Variants in CTNNA3 observed in about 807,000 individuals in gnomAD.
CTNNA3 encodes catenin alpha 3, also known as catenin alpha-3.
CTNNA3 carries 76 observed loss-of-function variants against 95.7 expected under a neutral mutation model. That is an observed-to-expected ratio of 0.79 (90% CI 0.66 to 0.96). The LOEUF (loss-of-function observed/expected upper bound fraction) is 0.96. CTNNA3 is among the 40% of genes least tolerant of loss of function. CTNNA3 has a pLI of 0.00. For missense variants in CTNNA3, 1,191 were observed against 1,089.8 expected, an observed-to-expected ratio of 1.09 and a Z score of -1.31; for synonymous variants, 431 against 374.4, an observed-to-expected ratio of 1.15 and a Z score of -1.74.
At chr10:66,922,380 A>C (rs1200156201) in intron 7 of CTNNA3, among the ~76,000 whole-genome samples, 2 of 152,234 alleles carry the variant, frequency 1.3e-5, no homozygotes, top group African/African-American at 2.4e-5. Context: ...ATACAGGCAA[A>C]TTACTAAAAT....
At chr10:66,286,159 C>T (rs2091585222) in intron 12 of CTNNA3, among the ~76,000 whole-genome samples, 1 of 151,934 alleles carries the variant, frequency 6.6e-6, no homozygotes, top group Non-Finnish European at 1.5e-5. Flanking sequence ...ATATATTTCA[C>T]ATTAGTAAAC....
chr10:66,748,948 G>A (rs1013519013), intron 9 of CTNNA3, among the ~76,000 whole-genome samples: 3 of 151,492 alleles, frequency 2.0e-5, no homozygotes, highest in Admixed American at 2.0e-4. Flanking sequence ...CAAGGCGGGC[G>A]GATCACCTGA....
chr10:66,246,371 G>A (rs1162071050), intron 13 of CTNNA3, among the ~76,000 whole-genome samples: 2 of 152,070 alleles, frequency 1.3e-5, no homozygotes, highest in Admixed American at 6.5e-5. Context: ...GTTGGAGTCT[G>A]CAGCCACAGT....
chr10:66,439,043 A>G (rs544689622), intron 11 of CTNNA3, among the ~76,000 whole-genome samples: 16 of 152,158 alleles, frequency 1.1e-4, no homozygotes, highest in East Asian at 7.8e-4. Context: ...ACCAGTCCCA[A>G]TGAGATGAGT....
At chr10:66,430,193 C>T (rs1470722687) in intron 11 of CTNNA3, among the ~76,000 whole-genome samples, 1 of 150,668 alleles carries the variant, frequency 6.6e-6, no homozygotes. Flanking sequence ...ATCCAACTTA[C>T]AAGGGATGTG....
intron 7 of CTNNA3, among the ~76,000 whole-genome samples, chr10:66,934,264 G>A (rs1847568763): frequency 6.6e-6 from 1 of 151,844 alleles, no homozygotes; most frequent in African/African-American, 2.4e-5. Flanking sequence ...AATTCTCCAT[G>A]TTTTCTTTTT....
chr10:66,854,834 C>A (rs919420644), intron 7 of CTNNA3, among the ~76,000 whole-genome samples: 1 of 151,014 alleles, frequency 6.6e-6, no homozygotes, highest in Non-Finnish European at 1.5e-5. Context: ...GAAGATAGTG[C>A]GGTCTGGAAG....
chr10:66,633,435 C>T (rs1009850341), intron 9 of CTNNA3, among the ~76,000 whole-genome samples: 4 of 152,170 alleles, frequency 2.6e-5, no homozygotes, highest in Non-Finnish European at 5.9e-5. Flanking sequence ...AATCCCAGCA[C>T]TTTGGGAGGC....
chr10:66,047,349 C>T (rs898743938), intron 15 of CTNNA3, among the ~76,000 whole-genome samples: 1 of 152,022 alleles, frequency 6.6e-6, no homozygotes, highest in African/African-American at 2.4e-5. Context: ...AAATGTGATT[C>T]ATCACATAAA....
intron 5 of CTNNA3, among the ~76,000 whole-genome samples, chr10:67,483,445 T>G (rs1295247512): frequency 3.7e-4 from 56 of 149,372 alleles, no homozygotes; most frequent in Admixed American, 6.6e-4. Context: ...CCATAAAAAA[T>G]GATGAGTTCA....
chr10:66,498,004 A>T (rs1274667795), intron 11 of CTNNA3, among the ~76,000 whole-genome samples: 1 of 152,116 alleles, frequency 6.6e-6, no homozygotes, highest in Non-Finnish European at 1.5e-5. Flanking sequence ...TTTATGTGCT[A>T]CAACAGTATT....
chr10:67,329,174 C>A lies in CTNNA3; in HGVS notation c.580-109304G>T, dbSNP rs1396883560. Among the ~76,000 whole-genome samples the A allele has an allele frequency of 5.3e-5, 8 of 152,226 alleles. No homozygotes were observed. The East Asian group carries it at 9.7e-4, about 18-fold the overall frequency. On this transcript the variant is annotated intron_variant, in intron 5 of 17. Coordinates refer to ENST00000433211, the MANE Select transcript of CTNNA3 (RefSeq NM_013266.4). ...ACCGCTTGAGCTCAGGAGTTCAAGA[C>A]CAGCCCGGACAACATGGGAAAACCC...
intron 15 of CTNNA3, among the ~76,000 whole-genome samples, chr10:66,018,620 C>T (rs572456108): frequency 1.0e-3 from 153 of 152,144 alleles, no homozygotes; most frequent in Non-Finnish European, 1.9e-3. Flanking sequence ...TGTCACATTA[C>T]ATCTAAAGCC....
Position 65,966,709 on chromosome 10 carries a change from T to C in CTNNA3, c.2303A>G (p.Tyr768Cys), listed in dbSNP as rs767419759. ...DPSCKQDLLA[Y>C]LEQIKFYSHQ... ...GGAGTAGAACTTAATCTGTTCCAGGTAGGCCAACAAGTCCTGTTTACAAGA... is the reference window on the plus strand; with the variant it reads ...GGAGTAGAACTTAATCTGTTCCAGGCAGGCCAACAAGTCCTGTTTACAAGA... The change falls in exon 17 of 18, where the codon TAC (tyrosine) becomes TGC (cysteine). Residue 768 changes from tyrosine (Y) to cysteine (C), a missense_variant. By Grantham distance (194) the Tyr-to-Cys change is radical (BLOSUM62 -2). Transcript: ENST00000433211. 1 of 1,613,352 alleles carries C rather than the reference T, an allele frequency of 6.2e-7. No individual in the cohort carries two copies. The highest frequency in any genetic ancestry group is 1.7e-5 in the Admixed American group (1 of 59,984).
At chr10:66,610,975 C>G (rs1262267478) in intron 10 of CTNNA3, among the ~76,000 whole-genome samples, 1 of 151,872 alleles carries the variant, frequency 6.6e-6, no homozygotes, top group East Asian at 1.9e-4. Flanking sequence ...TATTCAGCCA[C>G]AAAAAAATGA....
At chr10:67,169,362 C>T (rs1861916288) in intron 7 of CTNNA3, among the ~76,000 whole-genome samples, 1 of 151,996 alleles carries the variant, frequency 6.6e-6, no homozygotes, top group African/African-American at 2.4e-5. Flanking sequence ...AAGCTGGAAG[C>T]ATCACGTTAC....
At chr10:66,550,378 T>C (rs2132105583) in intron 10 of CTNNA3, among the ~76,000 whole-genome samples, 1 of 152,322 alleles carries the variant, frequency 6.6e-6, no homozygotes, top group South Asian at 2.1e-4. Flanking sequence ...TTATCCACTT[T>C]GGCATTCTCT....
At chr10:66,023,846 C>G (rs1287366165) in intron 15 of CTNNA3, among the ~76,000 whole-genome samples, 1 of 151,938 alleles carries the variant, frequency 6.6e-6, no homozygotes, top group Non-Finnish European at 1.5e-5. Flanking sequence ...GTCGCAGTTC[C>G]CCAAGTCTCC....
intron 7 of CTNNA3, among the ~76,000 whole-genome samples, chr10:66,782,462 G>C (rs1305574321): frequency 6.6e-6 from 1 of 151,910 alleles, no homozygotes; most frequent in South Asian, 2.1e-4. Flanking sequence ...CTCATTCTCT[G>C]TATCACCTTT....
Sources: allele counts gnomAD v4.1 joint callset (sites outside exome capture counted in the v4.1 genomes callset), GRCh38; gene constraint gnomAD v4.1.1; transcripts MANE v1.5; gene names NCBI Gene and HGNC (gene_info 2026-07-23, HGNC 2026-07-21).